Variants in GREB1L observed in about 807,000 individuals in gnomAD.
The protein encoded by GREB1L is GREB1-like protein.
GREB1L carries 17 observed loss-of-function variants against 200.8 expected under a neutral mutation model. The observed-to-expected ratio is 0.08, with a 90% CI of 0.06 to 0.13. The LOEUF (loss-of-function observed/expected upper bound fraction) is 0.13. Ranked by LOEUF, GREB1L falls within the 10% of genes least tolerant of loss-of-function variation. The pLI, the probability that GREB1L is intolerant of heterozygous loss-of-function variation, is 1.00. For missense variants in GREB1L, 1,657 were observed against 2,367.7 expected (o/e 0.70, Z 6.23); for synonymous variants, 789 against 893.0 (o/e 0.88, Z 2.08).
intron 7 of GREB1L, among the ~76,000 whole-genome samples, chr18:21,429,398 A>G (rs1242140317): frequency 6.8e-6 from 1 of 147,586 alleles, no homozygotes; most frequent in African/African-American, 2.5e-5. Context: ...GCTGGAGTGC[A>G]GTGGTGTGAT....
At chr18:21,311,988 C>T (rs2038799252) in intron 1 of GREB1L, among the ~76,000 whole-genome samples, 2 of 152,124 alleles carry the variant, frequency 1.3e-5, no homozygotes, top group South Asian at 2.1e-4. Flanking sequence ...TCCCACCTTC[C>T]ACCCGCAAGT....
At chr18:21,269,965 G>A (rs1289786358) in intron 1 of GREB1L, among the ~76,000 whole-genome samples, 1 of 152,170 alleles carries the variant, frequency 6.6e-6, no homozygotes, top group Non-Finnish European at 1.5e-5. Flanking sequence ...ATATATTAAA[G>A]AGTCTAATAA....
chr18:21,525,082 A>C lies in GREB1L; in HGVS notation c.*2261A>C, dbSNP rs895376328. 2.6e-5 allele frequency: 4 copies of C among 151,774 alleles called. No homozygotes were observed. Among genetic ancestry groups the C allele is most frequent in the Non-Finnish European group, 5.9e-5 (4 of 67,952 alleles). 9.4% of individuals were successfully genotyped at this position (151,774 alleles called of 1,614,324 possible). A position where few individuals can be genotyped will look rare whatever the true frequency, so the allele number is the denominator to read the frequency against. On this transcript the variant is annotated 3_prime_UTR_variant, in exon 33 of 33. Coordinates refer to ENST00000424526, the MANE Select transcript of GREB1L (RefSeq NM_001142966.3). ...TCCCTTAGGACACTGATGTGGGATG[A>C]ATGGATTCGCTAGGCCCACACAGTA... is the stretch of plus-strand genomic sequence containing the variant.
At chr18:21,397,845 G>A (rs1037436390) in intron 5 of GREB1L, among the ~76,000 whole-genome samples, 1 of 152,210 alleles carries the variant, frequency 6.6e-6, no homozygotes, top group Non-Finnish European at 1.5e-5. Flanking sequence ...TATTTATTCA[G>A]GATGTACTGT....
chr18:21,444,454 A>AT (rs1249462983), intron 11 of GREB1L, 45 bp downstream of exon 11: 14 of 1,421,534 alleles, frequency 9.8e-6, no homozygotes, highest in Admixed American at 2.1e-5. Context: ...ACTTTTGAGG[A>AT]TTTTTTGTGA....
Position 21,359,270 on chromosome 18 carries a change from T to G in GREB1L, c.-119-6757T>G, listed in dbSNP as rs577718521. ...TTCGAGACCAGCCTGGCCAACATGG[T>G]GAAATCCCGTTTCTACTAAAAATAC... On this transcript the variant is annotated intron_variant, in intron 1 of 32. Transcript: ENST00000424526. 2.0e-5 allele frequency among the ~76,000 whole-genome samples: 3 copies of G among 152,244 alleles called. No individual in the cohort carries two copies. The South Asian group carries it at 6.2e-4, about 32-fold the overall frequency.
chr18:21,382,491 A>AT (rs36119910), intron 2 of GREB1L, among the ~76,000 whole-genome samples: 7,791 of 139,090 alleles, frequency 0.056, 688 homozygotes, highest in African/African-American at 0.18. Flanking sequence ...TATACATGGA[A>AT]TTTTTTTTTT....
intron 1 of GREB1L, among the ~76,000 whole-genome samples, chr18:21,297,322 C>A (rs1291505019): frequency 6.6e-6 from 1 of 152,128 alleles, no homozygotes; most frequent in Non-Finnish European, 1.5e-5. Context: ...ATAATACTGT[C>A]CCCTCAAGCC....
intron 16 of GREB1L, among the ~76,000 whole-genome samples, chr18:21,475,312 C>T (rs1429069826): frequency 6.6e-6 from 1 of 151,998 alleles, no homozygotes; most frequent in African/African-American, 2.4e-5. Flanking sequence ...GACCTGAAAG[C>T]TTCCCCAGTT....
chr18:21,449,680 G>T lies in GREB1L; in HGVS notation c.1564G>T (p.Val522Phe). Reference protein sequence around the residue: ...RLIASVSQDLVHVVVTQNSLA... With the variant: ...RLIASVSQDLFHVVVTQNSLA... ...AATTGCCAGCGTATCTCAAGACTTG[G>T]TTCATGTGGTTGTGACCCAGAACTC... Residue 522 changes from valine to phenylalanine, a missense_variant, in exon 12 of 33, where the codon GTT (valine) becomes TTT (phenylalanine). This residue lies in a region of GREB1L where 289 missense variants were observed against 345.1 expected (regional missense o/e 0.84). Transcript: ENST00000424526. The T allele has an allele frequency of 6.4e-7, 1 of 1,551,638 alleles. No individual in the cohort carries two copies. The highest frequency in any genetic ancestry group is 8.7e-7 in the Non-Finnish European group (1 of 1,146,988).
chr18:21,354,501 G>A (rs534750959), intron 1 of GREB1L, among the ~76,000 whole-genome samples: 1 of 152,136 alleles, frequency 6.6e-6, no homozygotes, highest in Non-Finnish European at 1.5e-5. Flanking sequence ...TGTGATTTCA[G>A]AATAGGCAAA....
At chr18:21,493,366 G>T (rs1412237844) in intron 19 of GREB1L, among the ~76,000 whole-genome samples, 1 of 152,148 alleles carries the variant, frequency 6.6e-6, no homozygotes, top group Non-Finnish European at 1.5e-5. Flanking sequence ...CTTAAGCCTT[G>T]TATTATCCTT....
intron 7 of GREB1L, among the ~76,000 whole-genome samples, chr18:21,435,872 TAAG>T (rs1313666924): frequency 6.6e-6 from 1 of 152,086 alleles, no homozygotes; most frequent in African/African-American, 2.4e-5. Context: ...CTGTAATGCG[TAAG>T]AAGAAGACGA....
intron 14 of GREB1L, among the ~76,000 whole-genome samples, chr18:21,452,819 C>T (rs1435559698): frequency 6.6e-6 from 1 of 152,044 alleles, no homozygotes; most frequent in African/African-American, 2.4e-5. Flanking sequence ...TAGGACAGGA[C>T]AGAAAAAAGA....
rs1025209794 is a variant in GREB1L at position 21,259,871 on chromosome 18, T to A, written c.-120+17478T>A. On this transcript the variant is annotated intron_variant, in intron 1 of 32. Coordinates refer to ENST00000424526, the MANE Select transcript of GREB1L (RefSeq NM_001142966.3). Reference sequence around the variant, plus strand: ...TACTAAAACTGTGGCATTCCTTTTTTTTCATGGTGGGGGTATGAATTTGAC... The same window carrying A: ...TACTAAAACTGTGGCATTCCTTTTTATTCATGGTGGGGGTATGAATTTGAC... Among the ~76,000 whole-genome samples, 43 of 151,982 alleles carry A rather than the reference T, an allele frequency of 2.8e-4. 1 individual carries two copies. The highest frequency in any genetic ancestry group is 2.4e-5 in the African/African-American group (1 of 41,442).
chr18:21,366,960 G>A (rs1430817384), intron 2 of GREB1L, among the ~76,000 whole-genome samples: 1 of 152,168 alleles, frequency 6.6e-6, no homozygotes. Context: ...TGGTCAGAGA[G>A]GGAGCGGAGG....
chr18:21,450,661 GCC>G (rs1025599616), intron 12 of GREB1L: 35 of 168,240 alleles, frequency 2.1e-4, no homozygotes, highest in African/African-American at 8.3e-4. Context: ...CATGTTCTCA[GCC>G]CCTGGGCATC....
intron 2 of GREB1L, among the ~76,000 whole-genome samples, chr18:21,366,784 C>G (rs2039695850): frequency 6.6e-6 from 1 of 151,996 alleles, no homozygotes; most frequent in Non-Finnish European, 1.5e-5. Flanking sequence ...CCAAGAGAGG[C>G]CAAAGATCTT....
At chr18:21,351,781 TC>T (rs1303302140) in intron 1 of GREB1L, among the ~76,000 whole-genome samples, 1 of 152,198 alleles carries the variant, frequency 6.6e-6, no homozygotes, top group Non-Finnish European at 1.5e-5. Flanking sequence ...TCAGACTACT[TC>T]CTGTATGGTC....
Sources: gnomAD v4.1 joint callset for allele counts (sites outside exome capture counted in the v4.1 genomes callset) on GRCh38, gnomAD v4.1.1 for gene constraint, gnomAD v4.1.1 regional missense constraint, MANE v1.5 for transcripts, NCBI Gene and HGNC (gene_info 2026-07-23, HGNC 2026-07-21) for gene names.